The following GRM3 variants were observed in gnomAD, a reference collection of about 807,000 sequenced individuals.
The protein encoded by GRM3 is metabotropic glutamate receptor 3.
A neutral mutation model predicts 70.5 loss-of-function variants in GRM3; 26 were observed. The ratio of observed to expected loss-of-function variants is 0.37; its 90% confidence interval spans 0.27 to 0.51. GRM3 has a LOEUF of 0.51. GRM3 is among the 20% of genes least tolerant of loss of function. The pLI, the probability that GRM3 is intolerant of heterozygous loss-of-function variation, is 0.93. For missense variants in GRM3, 859 were observed against 1,123.8 expected (o/e 0.76, Z 3.37); for synonymous variants, 443 against 434.9 (o/e 1.02, Z -0.23).
At chr7:86,815,967 C>T (rs1325981147) in intron 3 of GRM3, among the ~76,000 whole-genome samples, 3 of 151,884 alleles carry the variant, frequency 2.0e-5, no homozygotes, top group Non-Finnish European at 2.9e-5. Flanking sequence ...TGCAAATATG[C>T]TCAGCATTGA....
At position 86,705,853 on chromosome 7, in the gene GRM3, A is replaced by G. The variant is rs547029944; in HGVS notation, c.-140-59153A>G. On this transcript the variant is annotated intron_variant, in intron 1 of 5. Transcript: ENST00000361669. ...GGAAAAACTTGTCTTTGAACCATTA[A>G]TTTTTATATCATGTTTAAAGATCAC... Among the ~76,000 whole-genome samples the G allele has an allele frequency of 1.4e-4, 21 of 148,328 alleles. No individual in the cohort carries two copies. In the East Asian group the frequency reaches 1.8e-3, roughly 12 times the overall value.
chr7:86,838,671 C>A (rs1798504297), intron 3 of GRM3, among the ~76,000 whole-genome samples, 168 bp from the exon 4 acceptor site: 1 of 152,158 alleles, frequency 6.6e-6, no homozygotes, highest in Non-Finnish European at 1.5e-5. Flanking sequence ...AATGCATGAG[C>A]ACTTTAGTAG....
intron 3 of GRM3, among the ~76,000 whole-genome samples, chr7:86,804,913 A>G (rs1288139598): frequency 6.6e-6 from 1 of 152,140 alleles, no homozygotes; most frequent in African/African-American, 2.4e-5. Context: ...AGAGTTCAAG[A>G]CCAGCCTAGG....
chr7:86,827,980 C>T (rs1234593145), intron 3 of GRM3, among the ~76,000 whole-genome samples: 2 of 151,920 alleles, frequency 1.3e-5, no homozygotes, highest in South Asian at 2.1e-4. Flanking sequence ...GGCGTGGTGG[C>T]AGGCACCTGT....
chr7:86,646,023 G>GGA, intron 1 of GRM3, among the ~76,000 whole-genome samples: 1 of 65,542 alleles, frequency 1.5e-5, no homozygotes, highest in African/African-American at 5.8e-5. Flanking sequence ...GGGTGGGAGG[G>GGA]AGTTTAGGGG....
At position 86,832,669 on chromosome 7, in the gene GRM3, TTCTG is replaced by T. The variant is rs548888317; in HGVS notation, c.1325-6165_1325-6162del. On this transcript the variant is annotated intron_variant, in intron 3 of 5. Coordinates refer to ENST00000361669, the MANE Select transcript of GRM3 (RefSeq NM_000840.3). ...CACTATTCTCTTACCTTAATTGGAC[TTCTG>T]TCTGAGAAGAAAAAAATAATGAATT... 2.6e-5 allele frequency among the ~76,000 whole-genome samples: 4 copies of T among 152,318 alleles called. No homozygotes were observed. In the South Asian group the frequency reaches 8.3e-4, roughly 32 times the overall value.
chr7:86,798,177 G>A (rs1797598988), intron 3 of GRM3, among the ~76,000 whole-genome samples: 1 of 152,144 alleles, frequency 6.6e-6, no homozygotes, highest in African/African-American at 2.4e-5. Context: ...CCCCATCTGG[G>A]GACTGCATAG....
intron 1 of GRM3, among the ~76,000 whole-genome samples, chr7:86,656,034 A>G (rs938190728): frequency 2.0e-5 from 3 of 151,954 alleles, no homozygotes; most frequent in Non-Finnish European, 4.4e-5. Flanking sequence ...AGGCCTTTCA[A>G]TTGGTTTGAT....
chr7:86,848,937 A>G (rs1798707315), intron 4 of GRM3, among the ~76,000 whole-genome samples: 1 of 152,146 alleles, frequency 6.6e-6, no homozygotes, highest in Admixed American at 6.6e-5. Flanking sequence ...CGAGGAGACA[A>G]AAATCACAGT....
intron 5 of GRM3, among the ~76,000 whole-genome samples, chr7:86,857,120 C>A (rs1798864971): frequency 6.7e-6 from 1 of 149,282 alleles, no homozygotes; most frequent in African/African-American, 2.5e-5. Context: ...TTAGCATCTG[C>A]AAATTCAATG....
chr7:86,647,651 C>T (rs768878114), intron 1 of GRM3, among the ~76,000 whole-genome samples: 65 of 152,208 alleles, frequency 4.3e-4, no homozygotes, highest in Non-Finnish European at 7.8e-4. Flanking sequence ...CTAAATGGAT[C>T]CAATACTGCA....
At chr7:86,814,297 G>A (rs1797973658) in intron 3 of GRM3, among the ~76,000 whole-genome samples, 1 of 150,268 alleles carries the variant, frequency 6.7e-6, no homozygotes, top group South Asian at 2.1e-4. Context: ...TTCTTTAGTG[G>A]AGATCTGTGA....
rs111872790 is a variant in GRM3 at position 86,652,487 on chromosome 7, C to T, written c.-141+7615C>T. Among the ~76,000 whole-genome samples the T allele has an allele frequency of 6.9e-3, 1,047 of 152,138 alleles. 19 individuals carry two copies. The highest frequency in any genetic ancestry group is 0.024 in the African/African-American group (981 of 41,504). On this transcript the variant is annotated intron_variant, in intron 1 of 5. Transcript: ENST00000361669. Reference sequence around the variant, plus strand: ...CTGGGATTACAGCCGCCCGCCACCACGCCCAACTAATTTTTGTATTTTTAG... The same window carrying T: ...CTGGGATTACAGCCGCCCGCCACCATGCCCAACTAATTTTTGTATTTTTAG...
chr7:86,848,091 AG>A (rs1441647232), intron 4 of GRM3, among the ~76,000 whole-genome samples: 1 of 152,214 alleles, frequency 6.6e-6, no homozygotes, highest in African/African-American at 2.4e-5. Context: ...TAGCACAATG[AG>A]AAAAAACATC....
At chr7:86,705,905 A>G (rs1795045219) in intron 1 of GRM3, among the ~76,000 whole-genome samples, 1 of 126,966 alleles carries the variant, frequency 7.9e-6, no homozygotes, top group Admixed American at 7.6e-5. Flanking sequence ...GATGAAGTTT[A>G]TTAAAAAATT....
At chr7:86,841,870 G>A (rs1380014913) in intron 4 of GRM3, among the ~76,000 whole-genome samples, 1 of 152,100 alleles carries the variant, frequency 6.6e-6, no homozygotes, top group Non-Finnish European at 1.5e-5. Context: ...TCACCACATA[G>A]AAGAAGTCAT....
chr7:86,789,069 T>C (rs1017708220), intron 3 of GRM3, among the ~76,000 whole-genome samples: 3 of 152,196 alleles, frequency 2.0e-5, no homozygotes, highest in Admixed American at 6.5e-5. Context: ...TATCCTCTTT[T>C]TGTCTGTCTT....
intron 1 of GRM3, among the ~76,000 whole-genome samples, chr7:86,698,580 TAC>T (rs568577426): frequency 8.9e-5 from 13 of 146,892 alleles, no homozygotes; most frequent in East Asian, 3.9e-4. Context: ...ATATATACAA[TAC>T]ACACACACAC....
At chr7:86,705,637 CT>C (rs1208415855) in intron 1 of GRM3, among the ~76,000 whole-genome samples, 18 of 152,126 alleles carry the variant, frequency 1.2e-4, no homozygotes, top group Non-Finnish European at 2.1e-4. Context: ...GCACAAGAGT[CT>C]TTTCCTTTGT....
Sources: gnomAD v4.1 joint callset for allele counts (sites outside exome capture counted in the v4.1 genomes callset) on GRCh38, gnomAD v4.1.1 for gene constraint, MANE v1.5 for transcripts, NCBI Gene and HGNC (gene_info 2026-07-23, HGNC 2026-07-21) for gene names.